The following CLTCL1 variants were observed in gnomAD, a reference collection of about 807,000 sequenced individuals.
The protein encoded by CLTCL1 is clathrin heavy chain like 1.
In CLTCL1, 159 loss-of-function variants were observed where a neutral mutation model predicts 190.0. The ratio of observed to expected loss-of-function variants is 0.84; its 90% confidence interval spans 0.74 to 0.95. The LOEUF (loss-of-function observed/expected upper bound fraction) is 0.95, where lower values mean the gene tolerates loss of function less well. CLTCL1 is among the 40% of genes least tolerant of loss of function. CLTCL1 has a pLI of 0.00. For missense variants in CLTCL1, 1,878 were observed against 2,033.4 expected (o/e 0.92, Z 1.47); for synonymous variants, 752 against 769.6 (o/e 0.98, Z 0.38).
intron 1 of CLTCL1, among the ~76,000 whole-genome samples, chr22:19,288,374 T>C (rs370177268): frequency 2.0e-5 from 3 of 152,238 alleles, no homozygotes; most frequent in East Asian, 3.8e-4. Flanking sequence ...CAGAACAATC[T>C]GCAGTTTCAG....
rs376300107 is a variant in CLTCL1, at chr22:19,247,673, G to A, written c.520-4737C>T. Among the ~76,000 whole-genome samples the A allele has an allele frequency of 2.4e-4, 36 of 152,014 alleles. No homozygotes were observed. In the East Asian group the frequency reaches 3.1e-3, roughly 13 times the overall value. On this transcript the variant is annotated intron_variant, in intron 3 of 32. Transcript: ENST00000427926. Reference sequence around the variant, plus strand: ...CATCCTGGGTTCAGGCGATTCTCCCGCCTCAGCCTCCCAAGTAGCTGGGAT... The same window carrying A: ...CATCCTGGGTTCAGGCGATTCTCCCACCTCAGCCTCCCAAGTAGCTGGGAT...
intron 22 of CLTCL1, chr22:19,207,476 G>C (rs782332829): frequency 2.5e-6 from 1 of 400,370 alleles, no homozygotes; most frequent in Non-Finnish European, 4.4e-6. Context: ...AAAATTCCAT[G>C]GGTCTCAATT....
rs554134023 is a variant in CLTCL1, at chr22:19,253,463, G to A, written c.519+496C>T. 1.2e-4 allele frequency among the ~76,000 whole-genome samples: 19 copies of A among 152,264 alleles called. No homozygotes were observed. In the South Asian group the frequency reaches 3.7e-3, roughly 30 times the overall value. Reference sequence around the variant, plus strand: ...TGGGCAGGATGTCTAGCCCTCTCTCGTCTTCCCGAAGGACTACTTCTTATA... The same window carrying A: ...TGGGCAGGATGTCTAGCCCTCTCTCATCTTCCCGAAGGACTACTTCTTATA... On this transcript the variant is annotated intron_variant, in intron 3 of 32. Transcript: ENST00000427926.
chr22:19,202,565 C>G (rs2084931622), intron 22 of CLTCL1, among the ~76,000 whole-genome samples: 1 of 119,596 alleles, frequency 8.4e-6, no homozygotes, highest in Non-Finnish European at 1.8e-5. Context: ...GGCACCTCCC[C>G]TCCTTCCATC....
chr22:19,263,979 C>A (rs1332150123), intron 2 of CLTCL1, among the ~76,000 whole-genome samples: 1 of 151,986 alleles, frequency 6.6e-6, no homozygotes. Context: ...TACAACTCAA[C>A]AACAAAAAAC....
At chr22:19,224,426 C>G (rs914687357) in intron 13 of CLTCL1, among the ~76,000 whole-genome samples, 22 of 152,116 alleles carry the variant, frequency 1.4e-4, no homozygotes, top group African/African-American at 5.1e-4. Flanking sequence ...GAGAAATAAG[C>G]CATGGCCTCC....
chr22:19,268,898 T>C (rs782515814), intron 2 of CLTCL1, among the ~76,000 whole-genome samples: 1 of 152,028 alleles, frequency 6.6e-6, no homozygotes, highest in Non-Finnish European at 1.5e-5. Context: ...AAGACCATCC[T>C]GGCCAACATG....
chr22:19,283,454 T>G (rs2087795344), intron 1 of CLTCL1, among the ~76,000 whole-genome samples: 1 of 151,818 alleles, frequency 6.6e-6, no homozygotes, highest in African/African-American at 2.4e-5. Context: ...CTAATTTTTG[T>G]ATTTTTAGTA....
chr22:19,239,005 TATA>T, intron 5 of CLTCL1, among the ~76,000 whole-genome samples: 1 of 152,298 alleles, frequency 6.6e-6, no homozygotes, highest in East Asian at 1.9e-4. Flanking sequence ...TCTAATCTTT[TATA>T]ATAAGAAGGA....
At chr22:19,194,643 G>A (rs1192502793) in intron 26 of CLTCL1, among the ~76,000 whole-genome samples, 2 of 152,218 alleles carry the variant, frequency 1.3e-5, no homozygotes, top group Admixed American at 6.5e-5. Flanking sequence ...GAGGAAACAT[G>A]ATGTCCATTG....
chr22:19,244,049 A>T (rs1174700211), intron 3 of CLTCL1, among the ~76,000 whole-genome samples: 2 of 152,124 alleles, frequency 1.3e-5, no homozygotes, highest in African/African-American at 4.8e-5. Context: ...CCAATGTCAA[A>T]TGCTCAAAAA....
At chr22:19,287,046 G>A (rs2087932231) in intron 1 of CLTCL1, among the ~76,000 whole-genome samples, 2 of 152,144 alleles carry the variant, frequency 1.3e-5, no homozygotes, top group Admixed American at 6.5e-5. Flanking sequence ...TGATATAGCT[G>A]GGGGGAATTA....
intron 11 of CLTCL1, among the ~76,000 whole-genome samples, chr22:19,227,017 C>T (rs2085767522): frequency 6.6e-6 from 1 of 151,950 alleles, no homozygotes; most frequent in Non-Finnish European, 1.5e-5. Context: ...AGATTATAGC[C>T]GTGAGCCACC....
intron 3 of CLTCL1, among the ~76,000 whole-genome samples, chr22:19,243,703 T>TC (rs1555966689): frequency 1.4e-5 from 2 of 144,942 alleles, no homozygotes; most frequent in African/African-American, 5.0e-5. Context: ...CTTTCTTTTT[T>TC]TTTTTTTTTT....
At chr22:19,240,991 C>G (rs2145942776) in intron 4 of CLTCL1, among the ~76,000 whole-genome samples, 1 of 152,350 alleles carries the variant, frequency 6.6e-6, no homozygotes, top group East Asian at 1.9e-4. Flanking sequence ...AAGGTGCATG[C>G]CTGGGCACAG....
intron 2 of CLTCL1, among the ~76,000 whole-genome samples, chr22:19,274,793 G>A (rs1458679604): frequency 3.3e-5 from 5 of 149,930 alleles, no homozygotes; most frequent in Admixed American, 1.3e-4. Flanking sequence ...GCAATGGCGC[G>A]ATCTCTGCTC....
chr22:19,208,962 A>C lies in CLTCL1; in HGVS notation c.3402T>G (p.Pro1134=). ...ACTGAACAACTTCCAGGTAAGAGGAAGGGTCGTCCCCTCTGATATAGGAGT... is the reference window on the plus strand; with the variant it reads ...ACTGAACAACTTCCAGGTAAGAGGACGGGTCGTCCCCTCTGATATAGGAGT... ...AINSYIRGDD[P]SSYLEVVQSA... Residue 1134 remains proline (P), a synonymous_variant, in exon 21 of 33, where the codon CCT becomes CCG. Transcript: ENST00000427926. The C allele has an allele frequency of 6.2e-7, 1 of 1,611,520 alleles. No individual in the cohort carries two copies. The highest frequency in any genetic ancestry group is 8.5e-7 in the Non-Finnish European group (1 of 1,178,956).
At chr22:19,270,435 G>A (rs1222065166) in intron 2 of CLTCL1, among the ~76,000 whole-genome samples, 7 of 151,874 alleles carry the variant, frequency 4.6e-5, no homozygotes, top group Non-Finnish European at 4.4e-5. Flanking sequence ...CACCGAGAAG[G>A]AGTGAATGTT....
intron 30 of CLTCL1, 191 bp from the exon 31 acceptor site, chr22:19,180,997 T>C: frequency 1.7e-6 from 1 of 592,058 alleles, no homozygotes; most frequent in South Asian, 2.0e-5. Flanking sequence ...CATGGAGAGG[T>C]GAAGCCTCGG....
Sources: allele counts gnomAD v4.1 joint callset (sites outside exome capture counted in the v4.1 genomes callset), GRCh38; gene constraint gnomAD v4.1.1; transcripts MANE v1.5; gene names NCBI Gene and HGNC (gene_info 2026-07-23, HGNC 2026-07-21).